PDE4B: variants seen among roughly 807,000 people sequenced by gnomAD.
PDE4B encodes the protein phosphodiesterase 4B.
PDE4B carries 20 observed loss-of-function variants against 82.2 expected under a neutral mutation model. That is an observed-to-expected ratio of 0.24 (90% CI 0.17 to 0.35). The LOEUF (loss-of-function observed/expected upper bound fraction) is 0.35, where lower values mean the gene tolerates loss of function less well. PDE4B is among the 10% of genes least tolerant of loss of function. The pLI is 1.00. For missense variants in PDE4B, 655 were observed against 907.2 expected, an observed-to-expected ratio of 0.72 and a Z score of 3.57; for synonymous variants, 320 against 318.9, an observed-to-expected ratio of 1.00 and a Z score of -0.04.
intron 3 of PDE4B, among the ~76,000 whole-genome samples, chr1:66,030,209 T>C (rs765447701): frequency 7.2e-5 from 11 of 152,304 alleles, no homozygotes; most frequent in Non-Finnish European, 1.6e-4. Context: ...GCCTACTTGA[T>C]TGTGGTGAAT....
intron 1 of PDE4B, among the ~76,000 whole-genome samples, chr1:65,906,067 T>C (rs1647024923): frequency 6.6e-6 from 1 of 152,094 alleles, no homozygotes; most frequent in Admixed American, 6.6e-5. Flanking sequence ...TGCAATTTAA[T>C]TTTTTATACT....
intron 3 of PDE4B, among the ~76,000 whole-genome samples, chr1:66,159,192 C>T (rs773009465): frequency 6.6e-6 from 1 of 151,982 alleles, no homozygotes; most frequent in Non-Finnish European, 1.5e-5. Flanking sequence ...GAACATCACA[C>T]TTACCCCATA....
intron 3 of PDE4B, among the ~76,000 whole-genome samples, chr1:66,121,624 C>T (rs944881874): frequency 1.3e-5 from 2 of 152,098 alleles, no homozygotes; most frequent in Non-Finnish European, 1.5e-5. Context: ...CTCTGAGTTT[C>T]GAGGTAGAAA....
intron 8 of PDE4B, among the ~76,000 whole-genome samples, chr1:66,354,080 C>T (rs1662040290): frequency 2.0e-5 from 3 of 152,192 alleles, no homozygotes; most frequent in South Asian, 2.1e-4. Flanking sequence ...CACTGGCACA[C>T]GCTTGGTGTG....
chr1:66,190,273 C>T (rs1210145657), intron 3 of PDE4B, among the ~76,000 whole-genome samples: 5 of 152,188 alleles, frequency 3.3e-5, no homozygotes, highest in African/African-American at 9.6e-5. Flanking sequence ...TTAGGCTACT[C>T]GGGGGTCAAG....
At chr1:66,014,449 T>G (rs998082213) in intron 3 of PDE4B, among the ~76,000 whole-genome samples, 2 of 152,134 alleles carry the variant, frequency 1.3e-5, no homozygotes, top group Non-Finnish European at 2.9e-5. Context: ...TTTGATCCAT[T>G]TTGAGTTGAT....
intron 3 of PDE4B, among the ~76,000 whole-genome samples, chr1:66,178,427 A>G (rs1227385796): frequency 2.0e-5 from 3 of 152,172 alleles, no homozygotes; most frequent in Admixed American, 6.5e-5. Flanking sequence ...TCTTTCTACC[A>G]TATGATAAAT....
At chr1:66,017,116 C>CT (rs756249704) in intron 3 of PDE4B, among the ~76,000 whole-genome samples, 96 of 152,132 alleles carry the variant, frequency 6.3e-4, no homozygotes, top group Non-Finnish European at 1.1e-3. Flanking sequence ...AATTCTTTGC[C>CT]TTTTTTTGGA....
intron 9 of PDE4B, among the ~76,000 whole-genome samples, chr1:66,356,671 C>A (rs769325880): frequency 6.6e-6 from 1 of 152,226 alleles, no homozygotes; most frequent in Non-Finnish European, 1.5e-5. Context: ...TAAAATCAAT[C>A]CTATTTCTCT....
At chr1:66,331,097 C>G (rs1570705993) in intron 7 of PDE4B, among the ~76,000 whole-genome samples, 1 of 152,198 alleles carries the variant, frequency 6.6e-6, no homozygotes, top group Non-Finnish European at 1.5e-5. Context: ...AATCACAGTT[C>G]TGTTGATTCT....
chr1:66,135,634 T>C (rs903710722), intron 3 of PDE4B, among the ~76,000 whole-genome samples: 6 of 152,180 alleles, frequency 3.9e-5, no homozygotes, highest in African/African-American at 1.4e-4. Flanking sequence ...TTGAGGGCTA[T>C]GTGAGGCATT....
At chr1:66,315,366 A>G (rs902065394) in intron 7 of PDE4B, among the ~76,000 whole-genome samples, 5 of 152,166 alleles carry the variant, frequency 3.3e-5, no homozygotes, top group Admixed American at 6.5e-5. Context: ...TCCACACTCA[A>G]CCCCACGAAT....
At chr1:66,189,416 C>A (rs1233708272) in intron 3 of PDE4B, among the ~76,000 whole-genome samples, 2 of 152,164 alleles carry the variant, frequency 1.3e-5, no homozygotes, top group Admixed American at 6.5e-5. Context: ...TGGATAATAT[C>A]CTGCAGAGTG....
At chr1:65,795,068 G>T (rs1645615634) in intron 1 of PDE4B, among the ~76,000 whole-genome samples, 1 of 152,164 alleles carries the variant, frequency 6.6e-6, no homozygotes, top group Non-Finnish European at 1.5e-5. Flanking sequence ...TCTGATCTTG[G>T]AGTCCTTTGC....
intron 3 of PDE4B, among the ~76,000 whole-genome samples, chr1:66,007,622 A>G (rs909627218): frequency 6.6e-6 from 1 of 152,162 alleles, no homozygotes; most frequent in Non-Finnish European, 1.5e-5. Flanking sequence ...ATGGTGACAT[A>G]CTGAGCAATT....
chr1:66,126,984 C>T (rs569895107), intron 3 of PDE4B, among the ~76,000 whole-genome samples: 29 of 151,336 alleles, frequency 1.9e-4, no homozygotes, highest in African/African-American at 4.9e-4. Flanking sequence ...ATCAAGATCA[C>T]GAAAGACAAA....
intron 1 of PDE4B, among the ~76,000 whole-genome samples, chr1:65,825,705 C>CCTATCTATCTATCTAT (rs57327589): frequency 1.3e-4 from 14 of 107,446 alleles, no homozygotes; most frequent in East Asian, 4.4e-4. Context: ...AACAAAATTA[C>CCTATCTATCTATCTAT]CTATCTATCT....
chr1:66,223,750 C>A (rs1180193520), intron 3 of PDE4B, among the ~76,000 whole-genome samples: 1 of 152,034 alleles, frequency 6.6e-6, no homozygotes, highest in Admixed American at 6.5e-5. Context: ...ACTTAGAGAT[C>A]ATTTTATTCC....
At position 66,172,155 on chromosome 1, in the gene PDE4B, T is replaced by C. The variant is rs1282909200; in HGVS notation, c.282-75305T>C. Among the ~76,000 whole-genome samples the C allele has an allele frequency of 2.0e-5, 3 of 152,152 alleles. No individual in the cohort carries two copies. In the South Asian group the frequency reaches 6.2e-4, roughly 32 times the overall value. On this transcript the variant is annotated intron_variant, in intron 3 of 16. Coordinates refer to ENST00000341517, the MANE Select transcript of PDE4B (RefSeq NM_002600.4). ...TTTATTATTCCTGTCTTTGTGTCCATGTGTATGCAATGTTTAGCTCCCACT... is the reference window on the plus strand; with the variant it reads ...TTTATTATTCCTGTCTTTGTGTCCACGTGTATGCAATGTTTAGCTCCCACT...
Sources: allele counts gnomAD v4.1 joint callset (sites outside exome capture counted in the v4.1 genomes callset), GRCh38; gene constraint gnomAD v4.1.1; transcripts MANE v1.5; gene names NCBI Gene and HGNC (gene_info 2026-07-23, HGNC 2026-07-21).